Variants in PNPLA7 observed in about 807,000 individuals in gnomAD.
PNPLA7 encodes the protein patatin-like phospholipase domain-containing protein 7.
A neutral mutation model predicts 161.7 loss-of-function variants in PNPLA7; 153 were observed. That is an observed-to-expected ratio of 0.95 (90% CI 0.83 to 1.08). The LOEUF is 1.08. Ranked by LOEUF, PNPLA7 falls within the 50% of genes least tolerant of loss-of-function variation. The probability of loss-of-function intolerance (pLI) is 0.00; values close to 1 mark genes in which losing one functional copy is unlikely to be tolerated. For synonymous variants in PNPLA7, 809 were observed against 782.1 expected, an observed-to-expected ratio of 1.03 and a Z score of -0.57; for missense variants, 1,739 against 1,856.6, an observed-to-expected ratio of 0.94 and a Z score of 1.16.
chr9:137,546,758 C>A (rs1463356713), intron 4 of PNPLA7, 72 bp downstream of exon 4: 1 of 1,445,472 alleles, frequency 6.9e-7, no homozygotes, highest in Non-Finnish European at 9.7e-7. Context: ...GAGCCCACAG[C>A]AGAAGGGGTC....
intron 12 of PNPLA7, among the ~76,000 whole-genome samples, chr9:137,513,803 C>T (rs553412862): frequency 2.6e-5 from 4 of 152,366 alleles, no homozygotes; most frequent in South Asian, 4.1e-4. Context: ...CCTCTACCTA[C>T]AGCACATAAA....
Position 137,462,008 on chromosome 9 carries a change from CA to C in PNPLA7, c.3678del (p.Phe1226LeufsTer122). ...EVGYQHGRTV[F>X]DIWGRSGVLE... ...AGCACGCCGCTGCGGCCCCAGATGTCAAACACCGTGCGCCCGTGCTGGTAGC... is the reference window on the plus strand; with the variant it reads ...AGCACGCCGCTGCGGCCCCAGATGTCAACACCGTGCGCCCGTGCTGGTAGC... On this transcript the variant is annotated frameshift_variant, in exon 32 of 35. Transcript: ENST00000406427. LOFTEE classifies it high-confidence loss of function. The C allele has an allele frequency of 6.2e-7, 1 of 1,603,930 alleles. No individual in the cohort carries two copies. Among genetic ancestry groups the C allele is most frequent in the Non-Finnish European group, 8.5e-7 (1 of 1,177,118 alleles).
At chr9:137,546,749 A>C (rs1836549051) in intron 4 of PNPLA7, 81 bp downstream of exon 4, 2 of 1,321,902 alleles carry the variant, frequency 1.5e-6, no homozygotes, top group African/African-American at 2.9e-5. Context: ...AGCCTGGGGG[A>C]GCCCACAGCA....
rs1224013521 is a variant in PNPLA7 at position 137,546,900 on chromosome 9, T to C, written c.203A>G (p.Gln68Arg). ...CCGGAACCGGTACTGAGGAGTGGGC[T>C]GTGCTTGTCCTGCAGGGGAGTAAAG... Reference protein sequence around the residue: ...FRRLRQFRQAQPTPQYRFRKR... With the variant: ...FRRLRQFRQARPTPQYRFRKR... Residue 68 changes from glutamine (Q) to arginine (R), a missense_variant, in exon 4 of 35, where the codon CAG becomes CGG. By Grantham distance (43) the Gln-to-Arg change is conservative. Transcript: ENST00000406427. 2 of 1,613,898 alleles carry C rather than the reference T, an allele frequency of 1.2e-6. No homozygotes were observed. The highest frequency in any genetic ancestry group is 8.5e-7 in the Non-Finnish European group (1 of 1,179,982).
At chr9:137,493,229 C>T in intron 19 of PNPLA7, 147 bp from the exon 20 acceptor site, 2 of 816,522 alleles carry the variant, frequency 2.4e-6, no homozygotes, top group Middle Eastern at 2.2e-4. Flanking sequence ...TTGCACATGA[C>T]TCACAAGCCA....
In PNPLA7 at chr9:137,514,808, C is replaced by T. The variant is rs1306828352; in HGVS notation, c.1225+571G>A. ...TGGGTCACCTGACTGTTGAGGTGCC[C>T]GGGCCCTGTGGCTGGGCTGCGGGCG... On this transcript the variant is annotated intron_variant, in intron 12 of 34. Transcript: ENST00000406427. Among the ~76,000 whole-genome samples, 29 of 140,598 alleles carry T rather than the reference C, an allele frequency of 2.1e-4. 2 individuals carry two copies. The South Asian group carries it at 5.1e-3, about 25-fold the overall frequency. 92.2% of individuals were successfully genotyped at this position (140,598 alleles called of 152,430 possible). A position where few individuals can be genotyped will look rare whatever the true frequency, so the allele number is the denominator to read the frequency against.
rs11451865 is a variant in PNPLA7 at position 137,471,597 on chromosome 9, C to CAA, written c.2883-4126_2883-4125dup. On this transcript the variant is annotated intron_variant, in intron 25 of 34. Transcript: ENST00000406427. ...TGGGTAACAGAGCAAGACTCCGTCT[C>CAA]AAAAAAAAAAAAAAAAGATACCATT... 6.9e-3 allele frequency among the ~76,000 whole-genome samples: 728 copies of CAA among 105,696 alleles called. 5 individuals carry two copies. Among genetic ancestry groups the CAA allele is most frequent in the African/African-American group, 0.013 (399 of 30,812 alleles). The allele number at this position is 105,696 out of a possible 152,430, so 69.3% of individuals were successfully genotyped here.
At chr9:137,512,345 A>G (rs1486534082) in intron 12 of PNPLA7, among the ~76,000 whole-genome samples, 1 of 152,256 alleles carries the variant, frequency 6.6e-6, no homozygotes. Flanking sequence ...TCCCCACGGG[A>G]CGTGGAGCAG....
intron 25 of PNPLA7, among the ~76,000 whole-genome samples, chr9:137,469,726 CAT>C (rs1459761043): frequency 1.3e-5 from 2 of 151,806 alleles, no homozygotes; most frequent in African/African-American, 4.9e-5. Flanking sequence ...CAAAAACAAA[CAT>C]AGAGAAGATT....
chr9:137,487,170 G>A (rs564497920), intron 20 of PNPLA7, among the ~76,000 whole-genome samples: 1 of 152,250 alleles, frequency 6.6e-6, no homozygotes, highest in South Asian at 2.1e-4. Context: ...GCTGCGCACC[G>A]GCTGCCAAGG....
chr9:137,495,958 G>A (rs1451777432), intron 18 of PNPLA7, among the ~76,000 whole-genome samples: 2 of 152,168 alleles, frequency 1.3e-5, no homozygotes, highest in Non-Finnish European at 2.9e-5. Flanking sequence ...GGCCCTGGCA[G>A]AGCTGAGGCG....
rs1356008238 is a variant in PNPLA7 at position 137,462,850 on chromosome 9, C to G, written c.3344-17G>C. On this transcript the variant is annotated splice_polypyrimidine_tract_variant and intron_variant, in intron 29 of 34. Transcript: ENST00000406427. ...CCACATCCGCTAGGGAGAAGCCAGCCCTGGTTACCCCCTGGACAGGCATGC... is the reference window on the plus strand; with the variant it reads ...CCACATCCGCTAGGGAGAAGCCAGCGCTGGTTACCCCCTGGACAGGCATGC... The G allele has an allele frequency of 1.2e-6, 2 of 1,613,080 alleles. No individual in the cohort carries two copies. The highest frequency in any genetic ancestry group is 1.7e-6 in the Non-Finnish European group (2 of 1,179,566).
rs1833289134 is a variant in PNPLA7 at position 137,499,957 on chromosome 9, G to C, written c.1757+734C>G. Among the ~76,000 whole-genome samples the C allele has an allele frequency of 6.6e-6, 1 of 152,248 alleles. No homozygotes were observed. Among genetic ancestry groups the C allele is most frequent in the South Asian group, 2.1e-4 (1 of 4,838 alleles). ...ACACACAGAACGGCTCAAGCCACCA[G>C]AGGCGAGAGCTGGGGTTAAACTGAA... On this transcript the variant is annotated intron_variant, in intron 16 of 34. Coordinates refer to ENST00000406427, the MANE Select transcript of PNPLA7 (RefSeq NM_001098537.3). This position sits in a 1 kb window ranked among gnomAD's most constrained non-coding sequence, Gnocchi z 5.5.
chr9:137,498,804 C>T (rs1335860176), intron 16 of PNPLA7, among the ~76,000 whole-genome samples: 4 of 152,142 alleles, frequency 2.6e-5, no homozygotes, highest in Non-Finnish European at 5.9e-5. Flanking sequence ...GGGCTCTGGG[C>T]AGTGGCGAGG....
At chr9:137,509,571 A>T (rs1588640693) in intron 12 of PNPLA7, 1 of 310,604 alleles carries the variant, frequency 3.2e-6, no homozygotes, top group Non-Finnish European at 6.8e-6. Flanking sequence ...AGTGAGTTTA[A>T]CTGGTGTGAG....
At position 137,542,639 on chromosome 9, in the gene PNPLA7, C is replaced by T; in HGVS notation, c.666+3G>A. On this transcript the variant is annotated splice_donor_region_variant and intron_variant, in intron 7 of 34. Coordinates refer to ENST00000406427, the MANE Select transcript of PNPLA7 (RefSeq NM_001098537.3). ...GACCCCGCCCCGCCGCCCTGCGACTCACAGTGTCCTGGATGCAGACCTCCA... is the reference window on the plus strand; with the variant it reads ...GACCCCGCCCCGCCGCCCTGCGACTTACAGTGTCCTGGATGCAGACCTCCA... 1 of 1,588,700 alleles carries T rather than the reference C, an allele frequency of 6.3e-7. No homozygotes were observed. The highest frequency in any genetic ancestry group is 2.3e-5 in the East Asian group (1 of 43,764).
intron 9 of PNPLA7, 46 bp downstream of exon 9, chr9:137,522,683 G>A (rs1393955399): frequency 1.2e-6 from 2 of 1,607,760 alleles, no homozygotes; most frequent in Non-Finnish European, 1.7e-6. Flanking sequence ...GGCCCCCCCA[G>A]GGTGACCCAC....
intron 8 of PNPLA7, among the ~76,000 whole-genome samples, chr9:137,534,003 C>T (rs369608287): frequency 6.6e-6 from 1 of 150,672 alleles, no homozygotes; most frequent in African/African-American, 2.4e-5. Context: ...TGGGAGGACT[C>T]CCAGAATCCT....
chr9:137,472,903 C>A (rs935032594), intron 25 of PNPLA7, among the ~76,000 whole-genome samples: 1 of 151,104 alleles, frequency 6.6e-6, no homozygotes, highest in Non-Finnish European at 1.5e-5. Context: ...TGCAGTGAGC[C>A]GAGATTGCAC....
Sources: gnomAD v4.1 joint callset for allele counts (sites outside exome capture counted in the v4.1 genomes callset) on GRCh38, gnomAD v4.1.1 for gene constraint, Gnocchi (gnomAD v3.1) non-coding constraint, MANE v1.5 for transcripts, NCBI Gene and HGNC (gene_info 2026-07-23, HGNC 2026-07-21) for gene names.